C1orf105: variants seen among roughly 807,000 people sequenced by gnomAD.
The protein encoded by C1orf105 is chromosome 1 open reading frame 105.
In C1orf105, 17 loss-of-function variants were observed where a neutral mutation model predicts 20.8. The observed-to-expected ratio is 0.82, with a 90% CI of 0.56 to 1.23. C1orf105 has a LOEUF of 1.23. Ranked by LOEUF, C1orf105 falls within the 50% of genes most tolerant of loss-of-function variation. The pLI is 0.00. For missense variants in C1orf105, 219 were observed against 213.5 expected, an observed-to-expected ratio of 1.03 and a Z score of -0.16; for synonymous variants, 72 against 72.1, an observed-to-expected ratio of 1.00 and a Z score of 0.01.
Position 172,442,049 on chromosome 1 carries a change from G to A in C1orf105, c.22-3024G>A, listed in dbSNP as rs768479943. 20 of 1,614,204 alleles carry A rather than the reference G, an allele frequency of 1.2e-5. No homozygotes were observed. The highest frequency in any genetic ancestry group is 1.6e-5 in the Non-Finnish European group (19 of 1,180,030). ...AAGGCATGCAGGGACCGGGGAAGACGTGATGCCAAGCATACAGAAGCAAAG... is the reference window on the plus strand; with the variant it reads ...AAGGCATGCAGGGACCGGGGAAGACATGATGCCAAGCATACAGAAGCAAAG... On this transcript the variant is annotated intron_variant, in intron 1 of 6. Transcript: ENST00000367727.
chr1:172,423,047 C>G (rs1478723152), intron 1 of C1orf105, among the ~76,000 whole-genome samples: 2 of 152,194 alleles, frequency 1.3e-5, no homozygotes, highest in African/African-American at 4.8e-5. Flanking sequence ...ACCCAGGGCC[C>G]AGGGGAACTT....
intron 1 of C1orf105, chr1:172,444,314 C>T (rs1377884601): frequency 2.0e-6 from 2 of 985,258 alleles, no homozygotes; most frequent in Non-Finnish European, 2.4e-6. Flanking sequence ...AGGAAAGAGG[C>T]TGGGCCAGTA....
chr1:172,452,781 C>A, intron 3 of C1orf105: 1 of 1,342,160 alleles, frequency 7.5e-7, no homozygotes, highest in Non-Finnish European at 9.6e-7. Context: ...TCTCCTGTCA[C>A]AACTGCCATC....
intron 1 of C1orf105, among the ~76,000 whole-genome samples, chr1:172,431,758 TGGA>T (rs1380654824): frequency 2.0e-5 from 3 of 152,134 alleles, no homozygotes; most frequent in Admixed American, 6.5e-5. Flanking sequence ...GTACAGTCGA[TGGA>T]GGGTGAGCCA....
At chr1:172,449,285 C>A (rs1056242397) in intron 3 of C1orf105, among the ~76,000 whole-genome samples, 2 of 152,132 alleles carry the variant, frequency 1.3e-5, no homozygotes, top group Non-Finnish European at 2.9e-5. Flanking sequence ...CGCAGCTACA[C>A]AGATGAGTGA....
intron 2 of C1orf105, among the ~76,000 whole-genome samples, chr1:172,445,646 G>A (rs189029041): frequency 6.6e-6 from 1 of 152,122 alleles, no homozygotes; most frequent in African/African-American, 2.4e-5. Context: ...TTTCAAAATT[G>A]CAGGAATTAC....
At chr1:172,460,491 T>C (rs1649610624) in intron 4 of C1orf105, among the ~76,000 whole-genome samples, 1 of 152,166 alleles carries the variant, frequency 6.6e-6, no homozygotes, top group African/African-American at 2.4e-5. Flanking sequence ...TCTGCATTAC[T>C]CTCTAATTAA....
At chr1:172,456,611 G>A in intron 4 of C1orf105, 122 bp downstream of exon 4, 1 of 872,106 alleles carries the variant, frequency 1.1e-6, no homozygotes, top group African/African-American at 1.7e-5. Context: ...CTAGATAAAG[G>A]CTGCCAAGGA....
intron 1 of C1orf105, among the ~76,000 whole-genome samples, chr1:172,424,487 T>C (rs2071674070): frequency 6.6e-6 from 1 of 152,154 alleles, no homozygotes; most frequent in Non-Finnish European, 1.5e-5. Context: ...GCCTCCCGGG[T>C]TCGAGAGATT....
At position 172,468,235 on chromosome 1, in the gene C1orf105, G is replaced by A. The variant is rs186100490; in HGVS notation, c.407-214G>A. Among the ~76,000 whole-genome samples the A allele has an allele frequency of 3.9e-3, 592 of 152,208 alleles. 5 individuals carry two copies. The highest frequency in any genetic ancestry group is 4.0e-3 in the Non-Finnish European group (271 of 67,994). ...AGTTTAAATGTTGTGAGGGGAAAAG[G>A]CAATTTCATTAAAAGAAATTCTTAG... On this transcript the variant is annotated intron_variant, in intron 6 of 6. Transcript: ENST00000367727.
intron 1 of C1orf105, among the ~76,000 whole-genome samples, chr1:172,430,798 G>A (rs2071850892): frequency 6.6e-6 from 1 of 152,168 alleles, no homozygotes; most frequent in African/African-American, 2.4e-5. Context: ...AAGCAAGTCT[G>A]TCAGTGCCAT....
chr1:172,466,547 C>G (rs1402880988), intron 6 of C1orf105, among the ~76,000 whole-genome samples: 1 of 151,758 alleles, frequency 6.6e-6, no homozygotes, highest in African/African-American at 2.4e-5. Context: ...TTTTTTCAGA[C>G]CTGCATTGCA....
chr1:172,442,086 C>T (rs771014167), intron 1 of C1orf105: 3 of 1,614,128 alleles, frequency 1.9e-6, no homozygotes, highest in Non-Finnish European at 2.5e-6. Flanking sequence ...TGGCCATGTT[C>T]AAGGATAGTG....
At chr1:172,449,288 A>T (rs1326140151) in intron 3 of C1orf105, among the ~76,000 whole-genome samples, 6 of 152,188 alleles carry the variant, frequency 3.9e-5, no homozygotes, top group Non-Finnish European at 8.8e-5. Context: ...AGCTACACAG[A>T]TGAGTGAGCA....
intron 1 of C1orf105, chr1:172,443,657 A>G (rs72725210): frequency 0.039 from 6,504 of 167,206 alleles, 131 homozygotes; most frequent in Middle Eastern, 0.057. Context: ...TATTTCTTCC[A>G]TGATAGACCA....
At chr1:172,428,057 C>G (rs550174232) in intron 1 of C1orf105, among the ~76,000 whole-genome samples, 1 of 152,326 alleles carries the variant, frequency 6.6e-6, no homozygotes, top group East Asian at 1.9e-4. Context: ...TCTGCCCCCA[C>G]CTCAGTTAAC....
chr1:172,428,307 A>G (rs2071775419), intron 1 of C1orf105, among the ~76,000 whole-genome samples: 1 of 152,150 alleles, frequency 6.6e-6, no homozygotes, highest in Admixed American at 6.5e-5. Flanking sequence ...CTCTTGCCCT[A>G]CAGCAACCAG....
intron 1 of C1orf105, chr1:172,428,719 A>G: frequency 1.6e-6 from 1 of 639,364 alleles, no homozygotes; most frequent in South Asian, 1.8e-5. Context: ...CCTTCCATTT[A>G]TGTTTATTAT....
chr1:172,456,523 C>T (rs1337503667), intron 4 of C1orf105, 34 bp downstream of exon 4: 1 of 1,590,932 alleles, frequency 6.3e-7, no homozygotes, highest in Non-Finnish European at 8.6e-7. Context: ...TGGGCACAGG[C>T]ATCTCAGGGT....
Sources: allele counts gnomAD v4.1 joint callset (sites outside exome capture counted in the v4.1 genomes callset), GRCh38; gene constraint gnomAD v4.1.1; transcripts MANE v1.5; gene names NCBI Gene and HGNC (gene_info 2026-07-23, HGNC 2026-07-21).